The following ZPLD1 variants were observed in gnomAD, a reference collection of about 807,000 sequenced individuals.
The protein encoded by ZPLD1 is zona pellucida like domain containing 1, also known as zona pellucida-like domain-containing protein 1.
ZPLD1 carries 34 observed loss-of-function variants against 47.2 expected under a neutral mutation model. That is an observed-to-expected ratio of 0.72 (90% CI 0.55 to 0.96). The LOEUF is 0.96. Among genes scored for constraint, ZPLD1 ranks in the 40% least tolerant of loss-of-function variants. The pLI is 0.00. For missense variants in ZPLD1, 512 were observed against 505.8 expected, an observed-to-expected ratio of 1.01 and a Z score of -0.12; for synonymous variants, 176 against 186.2, an observed-to-expected ratio of 0.95 and a Z score of 0.45.
chr3:102,438,438 A>G (rs779045061), intron 2 of ZPLD1, 42 bp from the exon 3 acceptor site: 24 of 1,398,162 alleles, frequency 1.7e-5, no homozygotes, highest in Admixed American at 8.5e-5. Context: ...GGAGTGAAGG[A>G]GTTAAGTGGG....
At chr3:102,457,754 G>A (rs911167742) in intron 5 of ZPLD1, 27 bp from the exon 6 acceptor site, 1 of 1,609,140 alleles carries the variant, frequency 6.2e-7, no homozygotes, top group Admixed American at 1.7e-5. Context: ...TCTCATCAGT[G>A]CTTTCCTTTT....
At chr3:102,460,215 TG>T (rs1355387756) in intron 6 of ZPLD1, among the ~76,000 whole-genome samples, 2 of 152,074 alleles carry the variant, frequency 1.3e-5, no homozygotes, top group South Asian at 2.1e-4. Flanking sequence ...TCACATGGAA[TG>T]TTTTTTATTT....
chr3:102,454,804 C>T (rs1441236592), intron 4 of ZPLD1, among the ~76,000 whole-genome samples: 5 of 152,016 alleles, frequency 3.3e-5, no homozygotes, highest in Non-Finnish European at 5.9e-5. Context: ...TGCAGTGAGC[C>T]GAGATTACAC....
At chr3:102,408,841 A>T (rs904386360) in intron 7 of ZPLD1, among the ~76,000 whole-genome samples, 8 of 151,810 alleles carry the variant, frequency 5.3e-5, no homozygotes, top group Admixed American at 2.0e-4. Flanking sequence ...CTTCTTATTT[A>T]TAAGATCCTT....
chr3:102,462,853 T>A (rs1707530748), intron 7 of ZPLD1, among the ~76,000 whole-genome samples: 1 of 152,138 alleles, frequency 6.6e-6, no homozygotes, highest in Admixed American at 6.5e-5. Flanking sequence ...CAGATGATAC[T>A]TAAGAAAATT....
At chr3:102,398,990 A>G (rs565565137) in intron 7 of ZPLD1, among the ~76,000 whole-genome samples, 1 of 152,188 alleles carries the variant, frequency 6.6e-6, no homozygotes, top group Non-Finnish European at 1.5e-5. Flanking sequence ...TAAAATTCAC[A>G]TGTATAACAA....
At chr3:102,392,549 TTCCTTCCTCCTTCC>T (rs76759149) in intron 7 of ZPLD1, among the ~76,000 whole-genome samples, 20 of 147,568 alleles carry the variant, frequency 1.4e-4, no homozygotes, top group Admixed American at 1.4e-4. Flanking sequence ...CCTCCCTCCC[TTCCTTCCTCCTTCC>T]TCCTTCCTCC....
At chr3:102,468,252 G>A (rs1707628069) in intron 8 of ZPLD1, among the ~76,000 whole-genome samples, 1 of 152,028 alleles carries the variant, frequency 6.6e-6, no homozygotes, top group Non-Finnish European at 1.5e-5. Flanking sequence ...TTTATATAGG[G>A]CAAAGTGACA....
At chr3:102,453,185 A>C (rs1253012928) in intron 4 of ZPLD1, 46 bp downstream of exon 4, 24 of 1,524,594 alleles carry the variant, frequency 1.6e-5, no homozygotes, top group Non-Finnish European at 2.1e-5. Context: ...GTCATAAATA[A>C]AAATCTCCCC....
chr3:102,411,370 T>C (rs115085778), intron 7 of ZPLD1, among the ~76,000 whole-genome samples: 2,477 of 151,904 alleles, frequency 0.016, 26 homozygotes, highest in Middle Eastern at 0.048. Context: ...TTCTGAAAAT[T>C]TAGTAAGCTG....
chr3:102,437,391 T>C (rs556141760), intron 2 of ZPLD1, among the ~76,000 whole-genome samples: 2 of 152,372 alleles, frequency 1.3e-5, no homozygotes, highest in African/African-American at 4.8e-5. Context: ...AAAAGCAAGA[T>C]GTGTTTCCTT....
At chr3:102,440,467 G>A (rs988538133) in intron 3 of ZPLD1, among the ~76,000 whole-genome samples, 1 of 151,920 alleles carries the variant, frequency 6.6e-6, no homozygotes, top group African/African-American at 2.4e-5. Context: ...GCTGTTAACT[G>A]ACAAAAAAAA....
At chr3:102,457,515 C>CA (rs1221965484) in intron 5 of ZPLD1, among the ~76,000 whole-genome samples, 1 of 152,062 alleles carries the variant, frequency 6.6e-6, no homozygotes, top group African/African-American at 2.4e-5. Context: ...CCTTATCTGC[C>CA]AAAAGCCTGT....
At chr3:102,424,166 A>T (rs1425528527) in intron 8 of ZPLD1, among the ~76,000 whole-genome samples, 1 of 152,196 alleles carries the variant, frequency 6.6e-6, no homozygotes, top group East Asian at 1.9e-4. Flanking sequence ...AATTAATTAC[A>T]ACATTGCATC....
intron 8 of ZPLD1, among the ~76,000 whole-genome samples, chr3:102,429,517 G>A (rs1318045299): frequency 6.6e-6 from 1 of 151,998 alleles, no homozygotes; most frequent in Non-Finnish European, 1.5e-5. Context: ...TATCTCCTTG[G>A]ACTCTTTTTA....
At chr3:102,476,924 A>G (rs1707765936) in intron 10 of ZPLD1, 88 bp from the exon 11 acceptor site, 3 of 1,448,052 alleles carry the variant, frequency 2.1e-6, no homozygotes, top group Non-Finnish European at 2.9e-6. Flanking sequence ...GTAAAAATGT[A>G]GGTACAATGT....
chr3:102,413,663 A>G (rs984510819), intron 7 of ZPLD1, among the ~76,000 whole-genome samples: 2 of 151,752 alleles, frequency 1.3e-5, no homozygotes, highest in Admixed American at 1.3e-4. Context: ...GGAGAATGCC[A>G]GTACTGACCA....
In ZPLD1 at chr3:102,407,392, AATATATATATATATATATATAT is replaced by A. The variant is rs63183460; in HGVS notation, c.-156-10638_-156-10617del. On this transcript the variant is annotated intron_variant, in intron 7 of 17. Coordinates refer to the ZPLD1 transcript ENST00000491959. Reference sequence around the variant, plus strand: ...GTATTTATAGAAGCCTTGATTTTCAAATATATATATATATATATATATATATATATATATATATATATATATA... The same window carrying A: ...GTATTTATAGAAGCCTTGATTTTCAAATATATATATATATATATATATATA... Among the ~76,000 whole-genome samples, 274 of 37,900 alleles carry A rather than the reference AATATATATATATATATATATAT, an allele frequency of 7.2e-3. 5 individuals carry two copies. The highest frequency in any genetic ancestry group is 0.019 in the Admixed American group (41 of 2,104). The allele number at this position is 37,900 out of a possible 152,430, so 24.9% of individuals were successfully genotyped here.
rs117062826 is a variant in ZPLD1, at chr3:102,424,818, G to T, written c.-9+6611G>T. Among the ~76,000 whole-genome samples, 431 of 152,138 alleles carry T rather than the reference G, an allele frequency of 2.8e-3. 9 individuals are homozygous for T. Among genetic ancestry groups the T allele is most frequent in the Admixed American group, 0.02 (312 of 15,282 alleles). ...TACTTTCTATTTGCTCCTATACTAT[G>T]CAATCCTATTCTATTTCATGAAAAA... On this transcript the variant is annotated intron_variant, in intron 8 of 17. Coordinates refer to the ZPLD1 transcript ENST00000491959.
Sources: allele counts gnomAD v4.1 joint callset (sites outside exome capture counted in the v4.1 genomes callset), GRCh38; gene constraint gnomAD v4.1.1; transcripts MANE v1.5; gene names NCBI Gene and HGNC (gene_info 2026-07-23, HGNC 2026-07-21).